Variants in VAV2 observed in about 807,000 individuals in gnomAD.
The protein encoded by VAV2 is vav guanine nucleotide exchange factor 2.
In VAV2, 67 loss-of-function variants were observed where a neutral mutation model predicts 132.5. The observed-to-expected ratio is 0.51, with a 90% confidence interval of 0.42 to 0.62. The LOEUF is 0.62. Among genes scored for constraint, VAV2 ranks in the 20% least tolerant of loss-of-function variants. The probability of loss-of-function intolerance (pLI) is 0.00; values close to 1 mark genes in which losing one functional copy is unlikely to be tolerated. For synonymous variants in VAV2, 492 were observed against 443.5 expected, an observed-to-expected ratio of 1.11 and a Z score of -1.37; for missense variants, 938 against 1,153.6, an observed-to-expected ratio of 0.81 and a Z score of 2.71.
At position 133,883,526 on chromosome 9, in the gene VAV2, C is replaced by T. The variant is rs1391841959; in HGVS notation, c.322-22094G>A. ...GAACAACCACTCACCCTGCAGACTC[C>T]CAAGTCATCCCCAGCCACGGCAGGC... On this transcript the variant is annotated intron_variant, in intron 2 of 29. Coordinates refer to ENST00000371850, the MANE Select transcript of VAV2 (RefSeq NM_001134398.2). The surrounding 1 kb of genome is among the most constrained non-coding windows in gnomAD (Gnocchi z 4.2). Among the ~76,000 whole-genome samples, 5 of 152,130 alleles carry T rather than the reference C, an allele frequency of 3.3e-5. No homozygotes were observed. Among genetic ancestry groups the T allele is most frequent in the South Asian group, 2.1e-4 (1 of 4,820 alleles).
chr9:133,811,976 T>G, intron 5 of VAV2, 138 bp downstream of exon 5: 1 of 827,200 alleles, frequency 1.2e-6, no homozygotes, highest in South Asian at 1.6e-5. Context: ...GGTGCACCTC[T>G]GGACGTCCCC....
chr9:133,766,847 A>T (rs1252680076), intron 29 of VAV2, among the ~76,000 whole-genome samples: 1 of 149,682 alleles, frequency 6.7e-6, no homozygotes, highest in Non-Finnish European at 1.5e-5. Context: ...TAGAATTAAG[A>T]TACATGAGAA....
chr9:133,811,544 C>T (rs1835358371), intron 5 of VAV2, among the ~76,000 whole-genome samples: 1 of 152,244 alleles, frequency 6.6e-6, no homozygotes, highest in Admixed American at 6.5e-5. Flanking sequence ...TGGATCCCCA[C>T]CTTCCACATA....
In VAV2 at chr9:133,807,001, G is replaced by A. The variant is rs114727640; in HGVS notation, c.735+257C>T. 3.8e-3 allele frequency among the ~76,000 whole-genome samples: 579 copies of A among 152,338 alleles called. 7 individuals are homozygous for A. Among genetic ancestry groups the A allele is most frequent in the African/African-American group, 0.013 (540 of 41,586 alleles). On this transcript the variant is annotated intron_variant, in intron 8 of 29. Coordinates refer to ENST00000371850, the MANE Select transcript of VAV2 (RefSeq NM_001134398.2). The stretch of plus-strand genomic sequence containing the variant: ...CAAAAACTTCATTTACATTCTCAGC[G>A]TCATCCGTGCCTCCAGCCACGCACG...
At chr9:133,960,550 G>A (rs1025982120) in intron 1 of VAV2, among the ~76,000 whole-genome samples, 7 of 152,322 alleles carry the variant, frequency 4.6e-5, no homozygotes, top group Admixed American at 2.6e-4. Flanking sequence ...AATAGCGGCC[G>A]CCAATTATTT....
At chr9:133,973,832 C>G (rs577032227) in intron 1 of VAV2, among the ~76,000 whole-genome samples, 2 of 152,174 alleles carry the variant, frequency 1.3e-5, no homozygotes, top group East Asian at 3.9e-4. Flanking sequence ...AAATGCAGGG[C>G]CCCCCCAGGC....
At chr9:133,934,979 C>T (rs1349193423) in intron 2 of VAV2, among the ~76,000 whole-genome samples, 1 of 152,174 alleles carries the variant, frequency 6.6e-6, no homozygotes, top group African/African-American at 2.4e-5. Context: ...CAGCTCTGCC[C>T]CTGGTAGCCC....
At chr9:133,952,399 C>T (rs1043705195) in intron 1 of VAV2, among the ~76,000 whole-genome samples, 23 of 152,050 alleles carry the variant, frequency 1.5e-4, no homozygotes, top group African/African-American at 4.4e-4. Context: ...GTCAGGAGTT[C>T]GAGAACAGCC....
rs550426366 is a variant in VAV2, at chr9:133,788,764, T to A, written c.1275-278A>T. Among the ~76,000 whole-genome samples the A allele has an allele frequency of 6.6e-6, 1 of 152,188 alleles. No individual in the cohort carries two copies. The highest frequency in any genetic ancestry group is 2.4e-5 in the African/African-American group (1 of 41,544). On this transcript the variant is annotated intron_variant, in intron 14 of 29. Transcript: ENST00000371850. This position sits in a 1 kb window ranked among gnomAD's most constrained non-coding sequence, Gnocchi z 5.3. ...CTGCATCCCCCACGCTGGCCTCCCA[T>A]GCAGCACTGACCCCCGACGGCTACT...
chr9:133,817,857 G>A (rs543367523), intron 4 of VAV2, among the ~76,000 whole-genome samples: 22 of 152,234 alleles, frequency 1.4e-4, no homozygotes, highest in African/African-American at 4.3e-4. Context: ...GTCCGTGACC[G>A]TATTTATAAT....
chr9:133,939,546 C>G (rs1841057808), intron 1 of VAV2, among the ~76,000 whole-genome samples: 1 of 152,192 alleles, frequency 6.6e-6, no homozygotes, highest in African/African-American at 2.4e-5. Context: ...ACGCCACTCC[C>G]CGTAACCGTA....
intron 2 of VAV2, among the ~76,000 whole-genome samples, chr9:133,890,671 G>T (rs1327729157): frequency 1.3e-5 from 2 of 152,204 alleles, no homozygotes; most frequent in Non-Finnish European, 2.9e-5. Context: ...TGTAAGAAAG[G>T]AAGGGGAGGT....
At chr9:133,783,358 T>C in intron 19 of VAV2, 145 bp downstream of exon 19, 2 of 728,598 alleles carry the variant, frequency 2.7e-6, no homozygotes, top group East Asian at 5.3e-5. Context: ...GTCTGGTGTC[T>C]GCTCTGGGGC....
At chr9:133,844,461 G>A (rs540894578) in intron 3 of VAV2, among the ~76,000 whole-genome samples, 1 of 152,364 alleles carries the variant, frequency 6.6e-6, no homozygotes, top group East Asian at 1.9e-4. Context: ...GGCTGAGGGA[G>A]GAGGCTCTAG....
At chr9:133,941,985 G>C (rs1188746477) in intron 1 of VAV2, among the ~76,000 whole-genome samples, 1 of 152,144 alleles carries the variant, frequency 6.6e-6, no homozygotes, top group East Asian at 1.9e-4. Flanking sequence ...GAAGGGCTGA[G>C]CGATGGGGTG....
rs764386956 is a variant in VAV2 at position 133,992,089 on chromosome 9, G to A, written c.190C>T (p.Pro64Ser). ...SIDLKDINFR[P>S]QMSQFLCLKN... ...CGGGCGCTCACCTGGGACATCTGCG[G>A]CCGGAAGTTGATGTCCTTGAGGTCG... Residue 64 changes from proline to serine, a missense_variant, in exon 1 of 30, where the codon CCG (proline) becomes TCG (serine). Coordinates refer to ENST00000371850, the MANE Select transcript of VAV2 (RefSeq NM_001134398.2). This position sits in a 1 kb window ranked among gnomAD's most constrained non-coding sequence, Gnocchi z 5.5. 1.3e-6 allele frequency: 2 copies of A among 1,578,976 alleles called. No homozygotes were observed. The highest frequency in any genetic ancestry group is 2.8e-5 in the African/African-American group (2 of 71,692).
intron 2 of VAV2, among the ~76,000 whole-genome samples, chr9:133,906,376 C>G (rs532748633): frequency 3.3e-4 from 50 of 152,330 alleles, no homozygotes; most frequent in Non-Finnish European, 5.6e-4. Context: ...ATTTGCCCCT[C>G]CTGCTCCAAA....
intron 1 of VAV2, among the ~76,000 whole-genome samples, chr9:133,984,268 C>T (rs1356269694): frequency 6.7e-6 from 1 of 149,220 alleles, no homozygotes; most frequent in African/African-American, 2.5e-5. Context: ...GCCACTGTAC[C>T]TAGTCTGTCT....
intron 1 of VAV2, among the ~76,000 whole-genome samples, chr9:133,977,099 G>A (rs1013473466): frequency 5.3e-5 from 8 of 152,304 alleles, no homozygotes; most frequent in African/African-American, 1.2e-4. Flanking sequence ...CCCAGGCCAC[G>A]CCCAGCCGCC....
Sources: allele counts gnomAD v4.1 joint callset (sites outside exome capture counted in the v4.1 genomes callset), GRCh38; gene constraint gnomAD v4.1.1; non-coding constraint Gnocchi (gnomAD v3.1); transcripts MANE v1.5; gene names NCBI Gene and HGNC (gene_info 2026-07-23, HGNC 2026-07-21).